Variants in DARS2 observed in about 807,000 individuals in gnomAD.
The protein encoded by DARS2 is aspartate--tRNA ligase, mitochondrial.
DARS2 carries 63 observed loss-of-function variants against 83.0 expected under a neutral mutation model. That is an observed-to-expected ratio of 0.76 (90% confidence interval 0.62 to 0.94). DARS2 has a LOEUF of 0.94. Ranked by LOEUF, DARS2 falls within the 40% of genes least tolerant of loss-of-function variation. The pLI, the probability that DARS2 is intolerant of heterozygous loss-of-function variation, is 0.00. For synonymous variants in DARS2, 250 were observed against 269.3 expected, an observed-to-expected ratio of 0.93 and a Z score of 0.70; for missense variants, 675 against 774.4, an observed-to-expected ratio of 0.87 and a Z score of 1.52.
intron 12 of DARS2, among the ~76,000 whole-genome samples, chr1:173,849,642 T>G (rs575364677): frequency 3.2e-4 from 49 of 151,700 alleles, no homozygotes; most frequent in Non-Finnish European, 2.4e-4. Flanking sequence ...GGCTTAAGAG[T>G]CCTGAGCCTC....
intron 6 of DARS2, among the ~76,000 whole-genome samples, chr1:173,833,949 A>G (rs1652885811): frequency 6.6e-6 from 1 of 151,966 alleles, no homozygotes; most frequent in Non-Finnish European, 1.5e-5. Context: ...TTTTGTAGAG[A>G]CAGGGTCTCA....
chr1:173,843,891 A>G (rs11579871), intron 11 of DARS2, among the ~76,000 whole-genome samples: 8,251 of 152,296 alleles, frequency 0.054, 319 homozygotes, highest in Non-Finnish European at 0.083. Flanking sequence ...GCTGTAGGAG[A>G]AGCAGTTGAC....
At chr1:173,831,041 C>T (rs1014539878) in intron 4 of DARS2, among the ~76,000 whole-genome samples, 28 of 152,090 alleles carry the variant, frequency 1.8e-4, no homozygotes, top group Admixed American at 1.6e-3. Flanking sequence ...CTCAGCCTCC[C>T]GAGTAGCTGG....
intron 6 of DARS2, 84 bp downstream of exon 6, chr1:173,833,583 G>A: frequency 6.4e-7 from 1 of 1,555,310 alleles, no homozygotes. Flanking sequence ...CCTTTCCTTA[G>A]CATGAGGTCA....
At chr1:173,850,564 G>C (rs181805620) in intron 13 of DARS2, 85 bp downstream of exon 13, 3 of 1,305,162 alleles carry the variant, frequency 2.3e-6, no homozygotes, top group African/African-American at 3.0e-5. Flanking sequence ...CGTTTGAACT[G>C]TAGACTGTTA....
At chr1:173,841,913 A>G (rs186128484) in intron 11 of DARS2, among the ~76,000 whole-genome samples, 64 of 152,310 alleles carry the variant, frequency 4.2e-4, no homozygotes, top group African/African-American at 1.4e-3. Context: ...TTGTCTGTCT[A>G]TCTCTTAGCC....
chr1:173,846,795 C>CA (rs534759236), intron 12 of DARS2, among the ~76,000 whole-genome samples: 28 of 146,218 alleles, frequency 1.9e-4, no homozygotes, highest in East Asian at 7.9e-4. Flanking sequence ...GACCCTGTCT[C>CA]AAAAAAAAAG....
In DARS2 at chr1:173,853,347, A is replaced by T. The variant is rs1290516262; in HGVS notation, c.1345-2A>T. The T allele has an allele frequency of 2.5e-6, 4 of 1,613,184 alleles. No individual in the cohort carries two copies. The highest frequency in any genetic ancestry group is 3.4e-6 in the Non-Finnish European group (4 of 1,179,842). ...CTCAATGTTTACGTCTTCTGTTTGC[A>T]GTGCTCTTTGTTAGGAAAATTACGA... is the stretch of plus-strand genomic sequence containing the variant. On this transcript the variant is annotated splice_acceptor_variant, in intron 13 of 16. Transcript: ENST00000649689. LOFTEE classifies it high-confidence loss of function.
In DARS2 at chr1:173,857,689, C is replaced by A. The variant is rs759845716; in HGVS notation, c.1922C>A (p.Ala641Glu). Residue 641 changes from alanine (A) to glutamate (E), a missense_variant, in exon 17 of 17, where the codon GCA becomes GAA. Ala to Glu is a moderately radical substitution (Grantham distance 107). Transcript: ENST00000649689. ...GTCTCCAAGCCAACAGACTCCAAAG[C>A]AGAAAGAGCTCATTGAATCATGCAT... ...IRVSKPTDSK[A>E]ERAH The A allele has an allele frequency of 6.2e-7, 1 of 1,614,034 alleles. No individual in the cohort carries two copies. The highest frequency in any genetic ancestry group is 8.5e-7 in the Non-Finnish European group (1 of 1,180,024).
chr1:173,833,937 T>C (rs1392824676), intron 6 of DARS2, among the ~76,000 whole-genome samples: 1 of 152,048 alleles, frequency 6.6e-6, no homozygotes, highest in East Asian at 1.9e-4. Context: ...TTTTTAAAAA[T>C]TTTTTGTAGA....
chr1:173,826,853 C>T, intron 2 of DARS2, 67 bp downstream of exon 2: 1 of 1,149,928 alleles, frequency 8.7e-7, no homozygotes, highest in Non-Finnish European at 1.3e-6. Context: ...CAAACCTTTA[C>T]TAATTTACAA....
At chr1:173,829,541 A>G (rs553211377) in intron 3 of DARS2, among the ~76,000 whole-genome samples, 242 of 152,120 alleles carry the variant, frequency 1.6e-3, no homozygotes, top group African/African-American at 5.7e-3. Flanking sequence ...GCACTCTGGG[A>G]GGCCGAGGCC....
intron 7 of DARS2, among the ~76,000 whole-genome samples, chr1:173,835,426 G>A (rs541488704): frequency 1.6e-4 from 24 of 150,854 alleles, no homozygotes; most frequent in African/African-American, 2.7e-4. Context: ...TCTATTGGCC[G>A]GGCGCGGTGG....
Position 173,853,399 on chromosome 1 carries a change from A to G in DARS2, c.1395A>G (p.Thr465=). 1 of 1,614,002 alleles carries G rather than the reference A, an allele frequency of 6.2e-7. No homozygotes were observed. ...LRLECADLLE[T]RGVVLRDPTL... Reference sequence around the variant, plus strand: ...TGGAATGTGCTGACCTTCTAGAAACAAGAGGAGTGGTGCTCCGTGACCCCA... The same window carrying G: ...TGGAATGTGCTGACCTTCTAGAAACGAGAGGAGTGGTGCTCCGTGACCCCA... The change falls in exon 14 of 17, where the codon ACA becomes ACG. Residue 465 remains threonine, a synonymous_variant. Coordinates refer to ENST00000649689, the MANE Select transcript of DARS2 (RefSeq NM_018122.5).
In DARS2 at chr1:173,856,741, G is replaced by A. The variant is rs1226781165; in HGVS notation, c.1750G>A (p.Gly584Arg). Reference protein sequence around the residue: ...GAPPHGGIALGLDRLICLVTG... With the variant: ...GAPPHGGIALRLDRLICLVTG... The stretch of plus-strand genomic sequence containing the variant: ...ACCCCCTCATGGAGGAATTGCCTTA[G>A]GTAAACAACTTTTCCTTTTATAAGA... The change falls in exon 16 of 17, where the codon GGG becomes AGG. Residue 584 changes from glycine to arginine, a missense_variant and splice_region_variant. By Grantham distance (125) the Gly-to-Arg change is moderately radical (BLOSUM62 -2). Coordinates refer to ENST00000649689, the MANE Select transcript of DARS2 (RefSeq NM_018122.5). The A allele has an allele frequency of 1.2e-6, 2 of 1,613,622 alleles. No homozygotes were observed. The highest frequency in any genetic ancestry group is 1.7e-6 in the Non-Finnish European group (2 of 1,179,712).
At position 173,828,321 on chromosome 1, in the gene DARS2, C is replaced by T. The variant is rs9425753; in HGVS notation, c.228-12C>T. The stretch of plus-strand genomic sequence containing the variant: ...TCTTAAAATGTTTCTTTTCCCCCCC[C>T]CCATTAATCAGGCAAAACACATTCT... On this transcript the variant is annotated splice_polypyrimidine_tract_variant and intron_variant, in intron 2 of 16. Transcript: ENST00000649689. 1.2e-5 allele frequency: 16 copies of T among 1,370,666 alleles called. No homozygotes were observed. Among genetic ancestry groups the T allele is most frequent in the East Asian group, 2.9e-5 (1 of 34,852 alleles). 84.9% of individuals were successfully genotyped at this position (1,370,666 alleles called of 1,614,324 possible). A position where few individuals can be genotyped will look rare whatever the true frequency, so the allele number is the denominator to read the frequency against.
chr1:173,837,830 A>G (rs1251324274), intron 8 of DARS2, among the ~76,000 whole-genome samples: 5 of 151,776 alleles, frequency 3.3e-5, no homozygotes, highest in Admixed American at 2.0e-4. Flanking sequence ...CTGGAGTGCA[A>G]TGGCGCAATC....
chr1:173,856,339 A>T (rs1359792615), intron 15 of DARS2, among the ~76,000 whole-genome samples: 2 of 152,196 alleles, frequency 1.3e-5, no homozygotes, highest in Non-Finnish European at 2.9e-5. Flanking sequence ...TCTCTGTGAC[A>T]GGAGAGTTTC....
In DARS2 at chr1:173,836,945, C is replaced by T. The variant is rs756848461; in HGVS notation, c.669C>T (p.Ala223=). ...TCTTTCTCTCTCTTTGAAAGGGTGCCAAAGAGTTTTTAGTACCATCCAGGG... is the reference window on the plus strand; with the variant it reads ...TCTTTCTCTCTCTTTGAAAGGGTGCTAAAGAGTTTTTAGTACCATCCAGGG... ...PTLFKRTPGG[A]KEFLVPSREP... is the part of the protein sequence containing the mutation. Residue 223 remains alanine (A), a synonymous_variant, in exon 8 of 17, where the codon GCC becomes GCT. Coordinates refer to ENST00000649689, the MANE Select transcript of DARS2 (RefSeq NM_018122.5). 23 of 1,613,368 alleles carry T rather than the reference C, an allele frequency of 1.4e-5. No homozygotes were observed. Among genetic ancestry groups the T allele is most frequent in the Admixed American group, 6.7e-5 (4 of 60,004 alleles).
Sources: allele counts gnomAD v4.1 joint callset (sites outside exome capture counted in the v4.1 genomes callset), GRCh38; gene constraint gnomAD v4.1.1; transcripts MANE v1.5; gene names NCBI Gene and HGNC (gene_info 2026-07-23, HGNC 2026-07-21).